CAPZA2: variants seen among roughly 807,000 people sequenced by gnomAD.
The protein encoded by CAPZA2 is capping actin protein of muscle Z-line subunit alpha 2.
CAPZA2 carries 13 observed loss-of-function variants against 44.0 expected under a neutral mutation model. The observed-to-expected ratio is 0.30, with a 90% CI of 0.19 to 0.47. CAPZA2 has a LOEUF of 0.47. CAPZA2 is among the 20% of genes least tolerant of loss of function. The probability of loss-of-function intolerance (pLI) is 1.00; values close to 1 mark genes in which losing one functional copy is unlikely to be tolerated. For missense variants in CAPZA2, 244 were observed against 338.6 expected (o/e 0.72, Z 2.19); for synonymous variants, 94 against 108.2 (o/e 0.87, Z 0.81).
chr7:116,887,862 TAAG>T (rs1796784222), intron 1 of CAPZA2, among the ~76,000 whole-genome samples: 1 of 152,282 alleles, frequency 6.6e-6, no homozygotes, highest in South Asian at 2.1e-4. Flanking sequence ...TTAAATAAAA[TAAG>T]AAATTGTTTA....
At position 116,916,142 on chromosome 7, in the gene CAPZA2, A is replaced by G. The variant is rs761924089; in HGVS notation, c.720+20A>G. 4 of 1,520,412 alleles carry G rather than the reference A, an allele frequency of 2.6e-6. No homozygotes were observed. The East Asian group carries it at 7.2e-5, about 27-fold the overall frequency. 94.2% of individuals were successfully genotyped at this position (1,520,412 alleles called of 1,614,324 possible). On this transcript the variant is annotated intron_variant, in intron 9 of 9. Coordinates refer to ENST00000361183, the MANE Select transcript of CAPZA2 (RefSeq NM_006136.3). ...TACCAGGTATGATTTTTTAAATATT[A>G]TATAAGCTACACTCACATATGAATT... is the stretch of plus-strand genomic sequence containing the variant.
chr7:116,911,815 CTG>C (rs1433282029), intron 7 of CAPZA2, among the ~76,000 whole-genome samples: 1 of 152,190 alleles, frequency 6.6e-6, no homozygotes, highest in Non-Finnish European at 1.5e-5. Flanking sequence ...GAATGAATGA[CTG>C]TGAGGCAAAA....
In CAPZA2 at chr7:116,921,318, G is replaced by T. The variant is rs959628863; in HGVS notation, c.*3451G>T. 1 of 150,226 alleles carries T rather than the reference G, an allele frequency of 6.7e-6. No individual in the cohort carries two copies. Among genetic ancestry groups the T allele is most frequent in the African/African-American group, 2.5e-5 (1 of 40,480 alleles). The allele number at this position is 150,226 out of a possible 1,614,324, so 9.3% of individuals were successfully genotyped here. A position where few individuals can be genotyped will look rare whatever the true frequency, so the allele number is the denominator to read the frequency against. On this transcript the variant is annotated 3_prime_UTR_variant, in exon 10 of 10. Coordinates refer to ENST00000361183, the MANE Select transcript of CAPZA2 (RefSeq NM_006136.3). The stretch of plus-strand genomic sequence containing the variant: ...AATCGCTTGAACCCAGGATGCGAAG[G>T]TTGCAGTGAGCCGAGATTGTGCCAC...
chr7:116,903,925 G>A (rs1417237511), intron 4 of CAPZA2, among the ~76,000 whole-genome samples: 3 of 152,130 alleles, frequency 2.0e-5, no homozygotes, highest in African/African-American at 7.2e-5. Context: ...TTTAGAGGTT[G>A]CATTTTTTTT....
intron 4 of CAPZA2, among the ~76,000 whole-genome samples, chr7:116,903,730 C>T (rs1360202490): frequency 6.6e-6 from 1 of 152,030 alleles, no homozygotes; most frequent in Non-Finnish European, 1.5e-5. Context: ...AGACTGTGGG[C>T]CCAGAGGCAA....
At chr7:116,914,885 T>C (rs1317155887) in intron 8 of CAPZA2, among the ~76,000 whole-genome samples, 2 of 152,244 alleles carry the variant, frequency 1.3e-5, no homozygotes, top group Non-Finnish European at 2.9e-5. Context: ...CATGAGATGT[T>C]CTCCATATAG....
In CAPZA2 at chr7:116,872,466, A is replaced by G. The variant is rs541097451; in HGVS notation, c.39+9816A>G. On this transcript the variant is annotated intron_variant, in intron 1 of 9. Transcript: ENST00000361183. ...AGTGCTGTGGGCCCTGTTTTTAATT[A>G]CCAATCAAAATGATAATTATAAAGG... 6.6e-5 allele frequency among the ~76,000 whole-genome samples: 10 copies of G among 152,356 alleles called. No homozygotes were observed. In the East Asian group the frequency reaches 1.9e-3, roughly 29 times the overall value.
chr7:116,899,340 A>AT (rs1796966183), intron 4 of CAPZA2, among the ~76,000 whole-genome samples: 1 of 151,948 alleles, frequency 6.6e-6, no homozygotes, highest in Admixed American at 6.6e-5. Flanking sequence ...ATATGAATGC[A>AT]TTTCATGCTT....
At chr7:116,896,254 A>G (rs1215883743) in intron 3 of CAPZA2, among the ~76,000 whole-genome samples, 3 of 152,108 alleles carry the variant, frequency 2.0e-5, no homozygotes, top group Non-Finnish European at 2.9e-5. Flanking sequence ...CATCTTTACA[A>G]AAAGCTACCA....
chr7:116,912,317 T>C (rs1791607093), intron 8 of CAPZA2, among the ~76,000 whole-genome samples, 177 bp downstream of exon 8: 1 of 152,232 alleles, frequency 6.6e-6, no homozygotes, highest in South Asian at 2.1e-4. Context: ...ATATAATTTG[T>C]ATACCATTCA....
intron 1 of CAPZA2, among the ~76,000 whole-genome samples, chr7:116,871,340 T>C (rs894840289): frequency 6.6e-6 from 1 of 152,102 alleles, no homozygotes; most frequent in Non-Finnish European, 1.5e-5. Flanking sequence ...GAGTATGAGA[T>C]TGAAAAAAGC....
intron 3 of CAPZA2, among the ~76,000 whole-genome samples, chr7:116,898,457 A>G (rs1196834380): frequency 6.6e-6 from 1 of 152,074 alleles, no homozygotes; most frequent in East Asian, 1.9e-4. Flanking sequence ...CTAAATATAT[A>G]CTTGAACAAT....
chr7:116,905,150 AAAG>A (rs1791476502), intron 5 of CAPZA2, among the ~76,000 whole-genome samples: 1 of 151,678 alleles, frequency 6.6e-6, no homozygotes, highest in Non-Finnish European at 1.5e-5. Flanking sequence ...AAAAAAAAAA[AAAG>A]AAAAGAAAAA....
intron 1 of CAPZA2, among the ~76,000 whole-genome samples, chr7:116,880,635 G>A (rs1329084902): frequency 1.5e-5 from 2 of 136,564 alleles, no homozygotes; most frequent in Non-Finnish European, 3.0e-5. Flanking sequence ...GACCTCAAGT[G>A]ATCCACCCGC....
intron 7 of CAPZA2, among the ~76,000 whole-genome samples, chr7:116,910,712 C>T (rs914488601): frequency 6.6e-5 from 10 of 151,996 alleles, no homozygotes; most frequent in African/African-American, 2.2e-4. Flanking sequence ...CATGTATTAA[C>T]GTGTATGTAT....
chr7:116,877,671 A>T (rs1361006237), intron 1 of CAPZA2, among the ~76,000 whole-genome samples: 1 of 152,244 alleles, frequency 6.6e-6, no homozygotes, highest in Non-Finnish European at 1.5e-5. Context: ...GTGGAGCTGT[A>T]GTCTGAATCC....
chr7:116,903,922 G>T (rs1387801326), intron 4 of CAPZA2, among the ~76,000 whole-genome samples: 1 of 152,132 alleles, frequency 6.6e-6, no homozygotes, highest in Non-Finnish European at 1.5e-5. Context: ...GTTTTTAGAG[G>T]TTGCATTTTT....
intron 1 of CAPZA2, among the ~76,000 whole-genome samples, chr7:116,864,806 A>G (rs901169863): frequency 6.6e-6 from 1 of 152,136 alleles, no homozygotes; most frequent in African/African-American, 2.4e-5. Context: ...CTGGATGCCA[A>G]GGTGTGGAGG....
rs71148345 is a variant in CAPZA2 at position 116,914,432 on chromosome 7, T to TACACACACAC, written c.658-1599_658-1590dup. 1.8e-3 allele frequency among the ~76,000 whole-genome samples: 267 copies of TACACACACAC among 145,228 alleles called. 1 individual carries two copies. Among genetic ancestry groups the TACACACACAC allele is most frequent in the African/African-American group, 5.2e-3 (202 of 39,066 alleles). ...TAAGCTATATTTACATATACATACATACACACACACACACACACACACACA... is the reference window on the plus strand; with the variant it reads ...TAAGCTATATTTACATATACATACATACACACACACACACACACACACACACACACACACA... On this transcript the variant is annotated intron_variant, in intron 8 of 9. Coordinates refer to ENST00000361183, the MANE Select transcript of CAPZA2 (RefSeq NM_006136.3).
Sources: gnomAD v4.1 joint callset for allele counts (sites outside exome capture counted in the v4.1 genomes callset) on GRCh38, gnomAD v4.1.1 for gene constraint, MANE v1.5 for transcripts, NCBI Gene and HGNC (gene_info 2026-07-23, HGNC 2026-07-21) for gene names.